The following GXYLT1 variants were observed in gnomAD, a reference collection of about 807,000 sequenced individuals.
The protein encoded by GXYLT1 is glucoside xylosyltransferase 1.
In GXYLT1, 29 loss-of-function variants were observed where a neutral mutation model predicts 54.0. The ratio of observed to expected loss-of-function variants is 0.54; its 90% CI spans 0.40 to 0.73. The LOEUF (loss-of-function observed/expected upper bound fraction) is 0.73, where lower values mean the gene tolerates loss of function less well. Among genes scored for constraint, GXYLT1 ranks in the 30% least tolerant of loss-of-function variants. GXYLT1 has a pLI of 0.00. For missense variants in GXYLT1, 490 were observed against 553.4 expected (o/e 0.89, Z 1.15); for synonymous variants, 176 against 204.1 (o/e 0.86, Z 1.17).
intron 3 of GXYLT1, among the ~76,000 whole-genome samples, chr12:42,113,139 C>T (rs1178757363): frequency 1.3e-5 from 2 of 151,020 alleles, no homozygotes; most frequent in African/African-American, 5.0e-5. Context: ...AAGCACTAAA[C>T]ATGGAAAGGA....
At chr12:42,098,246 C>A (rs770545993) in intron 5 of GXYLT1, among the ~76,000 whole-genome samples, 8 of 152,118 alleles carry the variant, frequency 5.3e-5, no homozygotes, top group Admixed American at 1.3e-4. Flanking sequence ...GTGGCAGTGA[C>A]AAAACTAGTA....
chr12:42,113,671 A>G (rs960757308), intron 3 of GXYLT1, among the ~76,000 whole-genome samples: 1 of 150,694 alleles, frequency 6.6e-6, no homozygotes, highest in African/African-American at 2.5e-5. Context: ...AGACTCCCAC[A>G]CAATAATGGG....
At position 42,098,026 on chromosome 12, in the gene GXYLT1, A is replaced by T; in HGVS notation, c.872T>A (p.Met291Lys). ...RMRRKYFKND[M>K]TTVRLQWGDI... is the part of the protein sequence containing the mutation. ...TCCCCATTGTAGTCGTACAGTTGTC[A>T]TATCATTCTGTTGATAAAAACATTC... Residue 291 changes from methionine (M) to lysine (K), a missense_variant, in exon 6 of 8, where the codon ATG (methionine) becomes AAG (lysine). Around this residue, in one of 2 missense-constraint regions of GXYLT1, gnomAD observed 342 missense variants for 342.6 expected, o/e 1.00. Coordinates refer to ENST00000398675, the MANE Select transcript of GXYLT1 (RefSeq NM_173601.2). 6.2e-7 allele frequency: 1 copy of T among 1,608,274 alleles called. No homozygotes were observed. Among genetic ancestry groups the T allele is most frequent in the South Asian group, 1.1e-5 (1 of 89,552 alleles).
At chr12:42,116,854 A>T (rs1333926583) in intron 3 of GXYLT1, among the ~76,000 whole-genome samples, 4 of 152,226 alleles carry the variant, frequency 2.6e-5, no homozygotes, top group Non-Finnish European at 5.9e-5. Context: ...CACTATTCAC[A>T]ATAGCAAAGA....
chr12:42,097,638 A>G, intron 6 of GXYLT1, 24 bp from the exon 7 acceptor site: 7 of 1,582,018 alleles, frequency 4.4e-6, no homozygotes, highest in Non-Finnish European at 6.0e-6. Flanking sequence ...AGACCAAACA[A>G]TGAAGCAAAT....
In GXYLT1 at chr12:42,119,187, A is replaced by C. The variant is rs2065515683; in HGVS notation, c.315-16T>G. 2.0e-6 allele frequency: 3 copies of C among 1,500,326 alleles called. No individual in the cohort carries two copies. The highest frequency in any genetic ancestry group is 2.7e-6 in the Non-Finnish European group (3 of 1,119,828). 92.9% of individuals were successfully genotyped at this position (1,500,326 alleles called of 1,614,324 possible). ...CAGACTGTACCTAATAGGAAAGAAA[A>C]CCACATTTTTCAACAGTTTTAGTAT... On this transcript the variant is annotated splice_polypyrimidine_tract_variant and intron_variant, in intron 2 of 7. Transcript: ENST00000398675.
At chr12:42,106,154 C>T in intron 4 of GXYLT1, 85 bp from the exon 5 acceptor site, 2 of 858,742 alleles carry the variant, frequency 2.3e-6, no homozygotes, top group Non-Finnish European at 3.6e-6. Flanking sequence ...TAAGATACAC[C>T]TAAGAGATTA....
intron 7 of GXYLT1, among the ~76,000 whole-genome samples, chr12:42,089,388 A>T (rs868732466): frequency 1.3e-5 from 2 of 151,330 alleles, no homozygotes; most frequent in South Asian, 4.2e-4. Context: ...CCTAATGTAA[A>T]TGACGAGTTA....
At position 42,087,824 on chromosome 12, in the gene GXYLT1, C is replaced by T. The variant is rs1380184403; in HGVS notation, c.1285G>A (p.Val429Ile). The T allele has an allele frequency of 6.2e-7, 1 of 1,606,820 alleles. No homozygotes were observed. Among genetic ancestry groups the T allele is most frequent in the South Asian group, 1.1e-5 (1 of 89,870 alleles). The change falls in exon 8 of 8, where the codon GTA becomes ATA. Residue 429 changes from valine (V) to isoleucine (I), a missense_variant. Physicochemically the swap from Val to Ile is conservative, Grantham distance 29 (BLOSUM62 3). Around this residue, in one of 2 missense-constraint regions of GXYLT1, gnomAD observed 342 missense variants for 342.6 expected, o/e 1.00. Coordinates refer to ENST00000398675, the MANE Select transcript of GXYLT1 (RefSeq NM_173601.2). ...KIFIKQLAKSVRDRYARSPKE... is the reference protein window; with the variant it reads ...KIFIKQLAKSIRDRYARSPKE... ...GGTGATCTGGCATAACGATCTCTTA[C>T]ACTTTTTGCTAGTTGTTTGATAAAT...
chr12:42,124,332 C>T (rs908220691), intron 2 of GXYLT1, among the ~76,000 whole-genome samples: 8 of 151,920 alleles, frequency 5.3e-5, no homozygotes, highest in Non-Finnish European at 8.8e-5. Context: ...CAAAATATTT[C>T]TGATATTTTG....
intron 2 of GXYLT1, among the ~76,000 whole-genome samples, chr12:42,121,935 CT>C (rs952425492): frequency 1.3e-5 from 2 of 152,060 alleles, no homozygotes; most frequent in Admixed American, 1.3e-4. Context: ...TCAATTGCAA[CT>C]GGAAAAAAAT....
chr12:42,132,028 T>C (rs1040965290), intron 1 of GXYLT1, among the ~76,000 whole-genome samples: 6 of 152,292 alleles, frequency 3.9e-5, no homozygotes, highest in South Asian at 2.1e-4. Context: ...AACATGGAAA[T>C]AGAAATCTCA....
At position 42,109,901 on chromosome 12, in the gene GXYLT1, A is replaced by C. The variant is rs2065442806; in HGVS notation, c.487-210T>G. Among the ~76,000 whole-genome samples, 3 of 152,218 alleles carry C rather than the reference A, an allele frequency of 2.0e-5. No individual in the cohort carries two copies. In the South Asian group the frequency reaches 6.2e-4, roughly 32 times the overall value. ...AAATTAGATCCCAGACTTCCCCATT[A>C]AGATCTGAAGCATAATGAAAGTTAT... On this transcript the variant is annotated intron_variant, in intron 3 of 7. Transcript: ENST00000398675.
At chr12:42,135,593 G>A (rs1379516779) in intron 1 of GXYLT1, among the ~76,000 whole-genome samples, 4 of 152,024 alleles carry the variant, frequency 2.6e-5, no homozygotes, top group Non-Finnish European at 5.9e-5. Flanking sequence ...AGCAAAATGT[G>A]GTATATCCAT....
intron 5 of GXYLT1, among the ~76,000 whole-genome samples, chr12:42,101,181 A>T (rs986693201): frequency 6.6e-6 from 1 of 152,170 alleles, no homozygotes; most frequent in African/African-American, 2.4e-5. Flanking sequence ...TGAGTTTAAT[A>T]AAGAGGTATT....
chr12:42,108,320 T>C (rs76842025), intron 4 of GXYLT1, among the ~76,000 whole-genome samples: 3,773 of 152,276 alleles, frequency 0.025, 138 homozygotes, highest in East Asian at 0.1. Context: ...TTCTTTCATC[T>C]CTTATTGTTT....
At chr12:42,115,467 G>C (rs2065488076) in intron 3 of GXYLT1, among the ~76,000 whole-genome samples, 1 of 152,174 alleles carries the variant, frequency 6.6e-6, no homozygotes, top group South Asian at 2.1e-4. Flanking sequence ...AAAATCACAA[G>C]CATTCTTATA....
At chr12:42,126,776 A>G (rs779247742) in intron 2 of GXYLT1, among the ~76,000 whole-genome samples, 77 of 151,508 alleles carry the variant, frequency 5.1e-4, no homozygotes, top group Admixed American at 2.4e-3. Context: ...CCAGCTCAGG[A>G]GACTGAGGCA....
At position 42,123,075 on chromosome 12, in the gene GXYLT1, C is replaced by T. The variant is rs576480699; in HGVS notation, c.315-3904G>A. Among the ~76,000 whole-genome samples, 13 of 152,206 alleles carry T rather than the reference C, an allele frequency of 8.5e-5. No homozygotes were observed. The South Asian group carries it at 2.7e-3, about 32-fold the overall frequency. On this transcript the variant is annotated intron_variant, in intron 2 of 7. Coordinates refer to ENST00000398675, the MANE Select transcript of GXYLT1 (RefSeq NM_173601.2). ...CACAAAAGATACCAATAACAGCACC[C>T]CTTTTCACCCCAAAAAAGGCTGGGG...
Sources: gnomAD v4.1 joint callset for allele counts (sites outside exome capture counted in the v4.1 genomes callset) on GRCh38, gnomAD v4.1.1 for gene constraint, gnomAD v4.1.1 regional missense constraint, MANE v1.5 for transcripts, NCBI Gene and HGNC (gene_info 2026-07-23, HGNC 2026-07-21) for gene names.